The following NTRK2 variants were observed in gnomAD, a reference collection of about 807,000 sequenced individuals.
The protein encoded by NTRK2 is BDNF/NT-3 growth factors receptor.
In NTRK2, 13 loss-of-function variants were observed where a neutral mutation model predicts 94.5. The observed-to-expected ratio is 0.14, with a 90% CI of 0.09 to 0.22. The LOEUF (loss-of-function observed/expected upper bound fraction) is 0.22. NTRK2 is among the 10% of genes least tolerant of loss of function. The probability of loss-of-function intolerance (pLI) is 1.00; values close to 1 mark genes in which losing one functional copy is unlikely to be tolerated. For missense variants in NTRK2, 639 were observed against 1,071.2 expected (o/e 0.60, Z 5.63); for synonymous variants, 372 against 407.4 (o/e 0.91, Z 1.05).
chr9:84,944,776 CCTT>C (rs753646582), intron 15 of NTRK2, among the ~76,000 whole-genome samples: 1 of 152,230 alleles, frequency 6.6e-6, no homozygotes, highest in Non-Finnish European at 1.5e-5. Flanking sequence ...CATACTTTGA[CCTT>C]CTTGGATTCT....
At chr9:84,709,097 A>G (rs2061279319) in intron 5 of NTRK2, among the ~76,000 whole-genome samples, 1 of 152,258 alleles carries the variant, frequency 6.6e-6, no homozygotes, top group Non-Finnish European at 1.5e-5. Flanking sequence ...TCAAAATGAT[A>G]TGGCACAGGG....
At chr9:84,893,247 G>C (rs528737446) in intron 14 of NTRK2, among the ~76,000 whole-genome samples, 1 of 152,218 alleles carries the variant, frequency 6.6e-6, no homozygotes, top group Non-Finnish European at 1.5e-5. Flanking sequence ...GATTCATTTT[G>C]CCTGTTCTAG....
intron 12 of NTRK2, among the ~76,000 whole-genome samples, chr9:84,803,264 CCTT>C (rs1438207121): frequency 1.3e-5 from 2 of 152,160 alleles, no homozygotes; most frequent in Non-Finnish European, 2.9e-5. Flanking sequence ...GGGTAAAGAA[CCTT>C]CTTTCTTCCT....
chr9:84,724,506 C>T, intron 8 of NTRK2, 150 bp downstream of exon 8: 1 of 916,434 alleles, frequency 1.1e-6, no homozygotes, highest in South Asian at 1.4e-5. Flanking sequence ...CATTATCAGC[C>T]TCTTTTACTG....
At chr9:84,890,449 A>G (rs2076563388) in intron 14 of NTRK2, among the ~76,000 whole-genome samples, 1 of 152,218 alleles carries the variant, frequency 6.6e-6, no homozygotes, top group Non-Finnish European at 1.5e-5. Context: ...CTGCTGGGGT[A>G]AGGATCCATT....
intron 14 of NTRK2, among the ~76,000 whole-genome samples, chr9:84,909,121 T>A (rs771943218): frequency 4.6e-5 from 7 of 152,158 alleles, no homozygotes; most frequent in Non-Finnish European, 8.8e-5. Flanking sequence ...CACTATTCTA[T>A]TCTCCATTTC....
intron 10 of NTRK2, 24 bp downstream of exon 10, chr9:84,741,951 G>T: frequency 6.3e-7 from 1 of 1,594,512 alleles, no homozygotes. Flanking sequence ...TTTCTACTTT[G>T]TATTTCTTTT....
intron 17 of NTRK2, among the ~76,000 whole-genome samples, chr9:84,990,706 C>T (rs1437388215): frequency 2.0e-5 from 3 of 152,172 alleles, no homozygotes; most frequent in Non-Finnish European, 2.9e-5. Context: ...TTTGACATTA[C>T]GTGCGCCAGC....
In NTRK2 at chr9:84,752,034, G is replaced by T; in HGVS notation, c.1345G>T (p.Val449Leu). ...IASVVGFCLL[V>L]MLFLLKLARH... Reference sequence around the variant, plus strand: ...GTCTGTGGTGGGATTTTGCCTTTTGGTAATGCTGTTTCTGCTTAAGTTGGC... The same window carrying T: ...GTCTGTGGTGGGATTTTGCCTTTTGTTAATGCTGTTTCTGCTTAAGTTGGC... Residue 449 changes from valine to leucine, a missense_variant, in exon 12 of 19, where the codon GTA becomes TTA. Val to Leu is a conservative substitution (Grantham distance 32). This residue lies in a region of NTRK2 where 343 missense variants were observed against 571.5 expected (regional missense o/e 0.60). Transcript: ENST00000277120. The T allele has an allele frequency of 6.2e-7, 1 of 1,614,054 alleles. No individual in the cohort carries two copies. Among genetic ancestry groups the T allele is most frequent in the Non-Finnish European group, 8.5e-7 (1 of 1,179,980 alleles).
chr9:84,980,528 A>C (rs1827456927), intron 17 of NTRK2, among the ~76,000 whole-genome samples: 1 of 152,244 alleles, frequency 6.6e-6, no homozygotes, highest in African/African-American at 2.4e-5. Context: ...TCTCTGTTAC[A>C]TCCAGCCTTG....
At chr9:84,814,333 T>C (rs1564339354) in intron 12 of NTRK2, 1 of 1,065,432 alleles carries the variant, frequency 9.4e-7, no homozygotes, top group East Asian at 5.0e-5. Flanking sequence ...CTCGAAGAGC[T>C]GAAGACAGAA....
chr9:84,883,762 G>A (rs2076334698), intron 14 of NTRK2, among the ~76,000 whole-genome samples: 1 of 152,126 alleles, frequency 6.6e-6, no homozygotes, highest in Non-Finnish European at 1.5e-5. Context: ...TATATAATCA[G>A]CAAAATGCAG....
In NTRK2 at chr9:85,022,298, C is replaced by G. The variant is rs1018430566; in HGVS notation, c.*861C>G. 2 of 232,996 alleles carry G rather than the reference C, an allele frequency of 8.6e-6. No individual in the cohort carries two copies. The highest frequency in any genetic ancestry group is 1.7e-5 in the Non-Finnish European group (2 of 117,950). The allele number at this position is 232,996 out of a possible 1,614,324, so 14.4% of individuals were successfully genotyped here. On this transcript the variant is annotated 3_prime_UTR_variant, in exon 19 of 19. Coordinates refer to ENST00000277120, the MANE Select transcript of NTRK2 (RefSeq NM_006180.6). ...CTTTTCCCATCACCAGAAATGATAG[C>G]GTGCAGTAGAGAGCAAAGATGGCTT... is the stretch of plus-strand genomic sequence containing the variant.
chr9:84,828,076 T>C (rs1270870832), intron 12 of NTRK2, among the ~76,000 whole-genome samples: 2 of 152,236 alleles, frequency 1.3e-5, no homozygotes, highest in African/African-American at 4.8e-5. Context: ...TTAGGTGTGA[T>C]ATTAATTTCT....
chr9:84,926,543 T>C (rs1021913429), intron 14 of NTRK2, among the ~76,000 whole-genome samples: 1 of 152,130 alleles, frequency 6.6e-6, no homozygotes, highest in Non-Finnish European at 1.5e-5. Flanking sequence ...AGTTTCTTTC[T>C]TTTTTTATGG....
intron 17 of NTRK2, among the ~76,000 whole-genome samples, chr9:85,017,883 A>G (rs188335980): frequency 6.6e-4 from 101 of 152,356 alleles, no homozygotes; most frequent in Non-Finnish European, 1.2e-3. Context: ...GCACCATAGC[A>G]CTATGCTGAC....
intron 17 of NTRK2, among the ~76,000 whole-genome samples, chr9:84,962,661 C>T (rs1825089431): frequency 6.6e-6 from 1 of 152,168 alleles, no homozygotes; most frequent in African/African-American, 2.4e-5. Flanking sequence ...TCTGATGCCT[C>T]AAGGTCCTAA....
chr9:85,014,147 G>A (rs933052697), intron 17 of NTRK2, among the ~76,000 whole-genome samples: 22 of 152,176 alleles, frequency 1.4e-4, no homozygotes, highest in Admixed American at 1.2e-3. Flanking sequence ...CAACATTTGG[G>A]TCTGGACAAG....
At chr9:84,774,022 A>C (rs756250750) in intron 12 of NTRK2, among the ~76,000 whole-genome samples, 1 of 152,040 alleles carries the variant, frequency 6.6e-6, no homozygotes, top group Non-Finnish European at 1.5e-5. Flanking sequence ...TGTCCTAACT[A>C]CTGTGCCTTC....
Sources: gnomAD v4.1 joint callset for allele counts (sites outside exome capture counted in the v4.1 genomes callset) on GRCh38, gnomAD v4.1.1 for gene constraint, gnomAD v4.1.1 regional missense constraint, MANE v1.5 for transcripts, NCBI Gene and HGNC (gene_info 2026-07-23, HGNC 2026-07-21) for gene names.